Variants in DYRK1A observed in about 807,000 individuals in gnomAD.
DYRK1A encodes the protein dual specificity tyrosine-phosphorylation-regulated kinase 1A.
A neutral mutation model predicts 79.7 loss-of-function variants in DYRK1A; 9 were observed. The observed-to-expected ratio is 0.11, with a 90% CI of 0.07 to 0.20. DYRK1A has a LOEUF of 0.20. Among genes scored for constraint, DYRK1A ranks in the 10% least tolerant of loss-of-function variants. DYRK1A has a pLI of 1.00. For missense variants in DYRK1A, 622 were observed against 956.0 expected (o/e 0.65, Z 4.61); for synonymous variants, 349 against 329.7 (o/e 1.06, Z -0.63).
intron 2 of DYRK1A, among the ~76,000 whole-genome samples, chr21:37,445,274 A>G (rs2051230963): frequency 6.6e-6 from 1 of 152,232 alleles, no homozygotes; most frequent in Non-Finnish European, 1.5e-5. Flanking sequence ...TAATTCAACA[A>G]AACAGAATGC....
intron 2 of DYRK1A, among the ~76,000 whole-genome samples, chr21:37,462,466 C>T (rs1274139384): frequency 1.3e-5 from 2 of 152,176 alleles, no homozygotes; most frequent in African/African-American, 4.8e-5. Flanking sequence ...GGTTTCTCCA[C>T]TGTAGCCTGT....
At chr21:37,443,780 C>T (rs1314487755) in intron 2 of DYRK1A, among the ~76,000 whole-genome samples, 1 of 152,154 alleles carries the variant, frequency 6.6e-6, no homozygotes, top group Non-Finnish European at 1.5e-5. Flanking sequence ...CCTTCTTTCT[C>T]ACACGGTGGT....
intron 1 of DYRK1A, among the ~76,000 whole-genome samples, chr21:37,399,911 T>G (rs946571333): frequency 6.6e-6 from 1 of 152,248 alleles, no homozygotes; most frequent in Non-Finnish European, 1.5e-5. Flanking sequence ...TGGAAAACTT[T>G]TTTTAACCTA....
intron 1 of DYRK1A, among the ~76,000 whole-genome samples, chr21:37,402,919 A>G (rs935268387): frequency 2.6e-5 from 4 of 152,118 alleles, no homozygotes; most frequent in Admixed American, 1.3e-4. Context: ...ATGCACCACT[A>G]TGCCTGCCTA....
intron 3 of DYRK1A, among the ~76,000 whole-genome samples, chr21:37,476,816 G>GA (rs906666557): frequency 7.5e-5 from 3 of 40,146 alleles, no homozygotes; most frequent in African/African-American, 3.6e-4. Flanking sequence ...ATCACCAAGG[G>GA]TTCCCCCCCC....
intron 11 of DYRK1A, among the ~76,000 whole-genome samples, chr21:37,511,435 C>A (rs532580587): frequency 6.6e-6 from 1 of 152,186 alleles, no homozygotes; most frequent in Admixed American, 6.5e-5. Context: ...AATTTGGAAT[C>A]TGTTTCACAG....
At chr21:37,505,808 A>G (rs548930820) in intron 10 of DYRK1A, among the ~76,000 whole-genome samples, 1 of 152,334 alleles carries the variant, frequency 6.6e-6, no homozygotes, top group Admixed American at 6.5e-5. Flanking sequence ...AAATCTGTTT[A>G]CTAACCAGCA....
chr21:37,503,403 C>T (rs893200164), intron 9 of DYRK1A: 1 of 152,034 alleles, frequency 6.6e-6, no homozygotes, highest in South Asian at 2.1e-4. Context: ...GTTGTTGAAT[C>T]CATTAAATGG....
intron 11 of DYRK1A, 53 bp downstream of exon 11, chr21:37,506,276 G>T: frequency 6.2e-7 from 1 of 1,613,748 alleles, no homozygotes; most frequent in Non-Finnish European, 8.5e-7. Context: ...CTCAGGTGGA[G>T]CAGCACTGGA....
chr21:37,461,579 T>A (rs2051838744), intron 2 of DYRK1A, among the ~76,000 whole-genome samples: 1 of 152,234 alleles, frequency 6.6e-6, no homozygotes, highest in Admixed American at 6.5e-5. Context: ...TGTTGACAAA[T>A]TCTTTCACTT....
intron 4 of DYRK1A, among the ~76,000 whole-genome samples, chr21:37,480,338 G>A (rs2148581053): frequency 6.6e-6 from 1 of 152,230 alleles, no homozygotes; most frequent in Non-Finnish European, 1.5e-5. Context: ...CTTAAGATCT[G>A]TGCCACCTCA....
intron 1 of DYRK1A, among the ~76,000 whole-genome samples, chr21:37,377,038 TAC>T (rs564027970): frequency 1.3e-5 from 2 of 152,240 alleles, no homozygotes; most frequent in Non-Finnish European, 2.9e-5. Context: ...TGTGTGTATG[TAC>T]ACAGTGTCTG....
chr21:37,453,190 A>G (rs190432034), intron 2 of DYRK1A, among the ~76,000 whole-genome samples: 97 of 152,278 alleles, frequency 6.4e-4, no homozygotes, highest in African/African-American at 1.9e-3. Flanking sequence ...TCCAAAACCT[A>G]TTATTTCAAT....
At chr21:37,480,557 G>A (rs760383881) in intron 4 of DYRK1A, 81 bp from the exon 5 acceptor site, 1 of 1,075,690 alleles carries the variant, frequency 9.3e-7, no homozygotes, top group Non-Finnish European at 1.3e-6. Context: ...TAGAAAATAG[G>A]TGTGTGTCAA....
At chr21:37,452,681 A>G (rs1374679806) in intron 2 of DYRK1A, among the ~76,000 whole-genome samples, 1 of 151,364 alleles carries the variant, frequency 6.6e-6, no homozygotes, top group Non-Finnish European at 1.5e-5. Flanking sequence ...CAGGGAGAGG[A>G]ATCCCACCCA....
At chr21:37,423,052 GTGCTGCTCTGC>G (rs2050519845) in intron 2 of DYRK1A, among the ~76,000 whole-genome samples, 1 of 152,110 alleles carries the variant, frequency 6.6e-6, no homozygotes, top group African/African-American at 2.4e-5. Flanking sequence ...ACTATTATAG[GTGCTGCTCTGC>G]ATACAAGGAT....
In DYRK1A at chr21:37,512,678, T is replaced by G; in HGVS notation, c.*147T>G. 1.1e-6 allele frequency: 1 copy of G among 896,170 alleles called. No homozygotes were observed. 55.5% of individuals were successfully genotyped at this position (896,170 alleles called of 1,614,324 possible). ...GGCAAAGCTGATTTTTTTTTTAACT[T>G]GAAAAGATTGCAAAGGGACATTGAA... On this transcript the variant is annotated 3_prime_UTR_variant, in exon 12 of 12. Transcript: ENST00000647188.
chr21:37,402,553 T>C (rs1181772260), intron 1 of DYRK1A, among the ~76,000 whole-genome samples: 1 of 152,220 alleles, frequency 6.6e-6, no homozygotes, highest in East Asian at 1.9e-4. Flanking sequence ...TGCTTTAAGC[T>C]GTTTTACTCT....
Position 37,398,923 on chromosome 21 carries a change from T to A in DYRK1A, c.-76-21376T>A, listed in dbSNP as rs1003238105. Among the ~76,000 whole-genome samples the A allele has an allele frequency of 9.1e-3, 1,357 of 148,456 alleles. 19 individuals are homozygous for A. Among genetic ancestry groups the A allele is most frequent in the African/African-American group, 0.032 (1,296 of 40,946 alleles). On this transcript the variant is annotated intron_variant, in intron 1 of 11. Transcript: ENST00000647188. ...GAGAAACTTTTTTTTTTTTTTTTTTTAAACCGCAGAGAGAACAGTGTCGGT... is the reference window on the plus strand; with the variant it reads ...GAGAAACTTTTTTTTTTTTTTTTTTAAAACCGCAGAGAGAACAGTGTCGGT...
Sources: gnomAD v4.1 joint callset for allele counts (sites outside exome capture counted in the v4.1 genomes callset) on GRCh38, gnomAD v4.1.1 for gene constraint, MANE v1.5 for transcripts, NCBI Gene and HGNC (gene_info 2026-07-23, HGNC 2026-07-21) for gene names.